ZNF467: variants seen among roughly 807,000 people sequenced by gnomAD.
ZNF467 encodes the protein zinc finger protein EZI.
ZNF467 carries 51 observed loss-of-function variants against 47.8 expected under a neutral mutation model. The ratio of observed to expected loss-of-function variants is 1.07; its 90% CI spans 0.85 to 1.35. The LOEUF (loss-of-function observed/expected upper bound fraction) is 1.35, where lower values mean the gene tolerates loss of function less well. Among genes scored for constraint, ZNF467 ranks in the 40% most tolerant of loss-of-function variants. ZNF467 has a pLI of 0.00. For missense variants in ZNF467, 992 were observed against 858.1 expected (o/e 1.16, Z -1.95); for synonymous variants, 416 against 372.9 (o/e 1.12, Z -1.33).
upstream of ZNF467, chr7:149,776,196 C>T (rs551309797): frequency 9.6e-6 from 9 of 937,666 alleles, no homozygotes; most frequent in South Asian, 1.2e-4. Flanking sequence ...CCGGGATCCT[C>T]CCTCCACCCC....
In ZNF467 at chr7:149,765,668, C is replaced by G; in HGVS notation, c.834G>C (p.Glu278Asp). 6.2e-7 allele frequency: 1 copy of G among 1,612,716 alleles called. No homozygotes were observed. The highest frequency in any genetic ancestry group is 8.5e-7 in the Non-Finnish European group (1 of 1,179,612). ...GERPFPCTEC[E>D]KRFRKKTHLI... is the part of the protein sequence containing the mutation. ...AGTGCGTCTTCTTGCGAAAGCGCTT[C>G]TCGCATTCCGTGCAGGGGAAGGGCC... Residue 278 changes from glutamate to aspartate, a missense_variant, in exon 5 of 5, where the codon GAG (glutamate) becomes GAC (aspartate). Coordinates refer to ENST00000302017, the MANE Select transcript of ZNF467 (RefSeq NM_207336.3).
upstream of ZNF467, chr7:149,776,078 G>T: frequency 1.5e-6 from 2 of 1,365,102 alleles, no homozygotes; most frequent in Non-Finnish European, 2.0e-6. Flanking sequence ...GATGGCGTGG[G>T]CCCTGGCTGA....
At chr7:149,770,383 G>A in intron 3 of ZNF467, 57 bp downstream of exon 3, 1 of 1,224,142 alleles carries the variant, frequency 8.2e-7, no homozygotes, top group Non-Finnish European at 1.2e-6. Context: ...GGTAGGGAGG[G>A]CAGGAGGAAA....
At chr7:149,774,795 C>T (rs1456570991), upstream of ZNF467, among the ~76,000 whole-genome samples, 3 of 152,076 alleles carry the variant, frequency 2.0e-5, no homozygotes, top group Admixed American at 6.5e-5. This position sits in a 1 kb window ranked among gnomAD's most constrained non-coding sequence, Gnocchi z 5.7. Flanking sequence ...CCCAGTCATC[C>T]GTGACCCCCT....
At position 149,766,231 on chromosome 7, in the gene ZNF467, A is replaced by T. The variant is rs1267426406; in HGVS notation, c.271T>A (p.Trp91Arg). The T allele has an allele frequency of 6.6e-7, 1 of 1,515,096 alleles. No homozygotes were observed. The highest frequency in any genetic ancestry group is 8.8e-7 in the Non-Finnish European group (1 of 1,131,270). 93.9% of individuals were successfully genotyped at this position (1,515,096 alleles called of 1,614,324 possible). A position where few individuals can be genotyped will look rare whatever the true frequency, so the allele number is the denominator to read the frequency against. Residue 91 changes from tryptophan (W) to arginine (R), a missense_variant, in exon 5 of 5, where the codon TGG (tryptophan) becomes AGG (arginine). Trp to Arg is a moderately radical substitution (Grantham distance 101). Transcript: ENST00000302017. ...QPVGTCPGEE[W>R]MIRKVKVEDE... ...TCCACCTTCACCTTCCGAATCATCCACTCCTCTCCTGGAAAGTCAAAACAA... is the reference window on the plus strand; with the variant it reads ...TCCACCTTCACCTTCCGAATCATCCTCTCCTCTCCTGGAAAGTCAAAACAA...
upstream of ZNF467, chr7:149,775,993 T>G: frequency 1.0e-5 from 14 of 1,333,790 alleles, no homozygotes; most frequent in Non-Finnish European, 1.4e-5. Context: ...TTGCCTCTCT[T>G]GAGCCCAAGC....
rs1254914893 is a variant in ZNF467 at position 149,764,453 on chromosome 7, T to C, written c.*261A>G. The C allele has an allele frequency of 6.0e-6, 4 of 664,322 alleles. No homozygotes were observed. In the Admixed American group the frequency reaches 7.1e-5, roughly 12 times the overall value. 41.2% of individuals were successfully genotyped at this position (664,322 alleles called of 1,614,324 possible). A position where few individuals can be genotyped will look rare whatever the true frequency, so the allele number is the denominator to read the frequency against. On this transcript the variant is annotated 3_prime_UTR_variant, in exon 5 of 5. Coordinates refer to ENST00000302017, the MANE Select transcript of ZNF467 (RefSeq NM_207336.3). ...GGCCGCGCTGGGTCCGGGAAATATCTGCTTTCCAACGGGGCACCTGGGTGG... is the reference window on the plus strand; with the variant it reads ...GGCCGCGCTGGGTCCGGGAAATATCCGCTTTCCAACGGGGCACCTGGGTGG...
Position 149,765,412 on chromosome 7 carries a change from A to G in ZNF467, c.1090T>C (p.Phe364Leu). The G allele has an allele frequency of 6.4e-7, 1 of 1,574,304 alleles. No homozygotes were observed. ...PFACSDCGLS[F>L]GWKKNLATHQ... ...GTGGCGAGGTTCTTTTTCCAGCCGA[A>G]GCTCAAGCCGCAGTCGGAGCACGCG... Residue 364 changes from phenylalanine to leucine, a missense_variant, in exon 5 of 5, where the codon TTC becomes CTC. Physicochemically the swap from Phe to Leu is conservative, Grantham distance 22. Coordinates refer to ENST00000302017, the MANE Select transcript of ZNF467 (RefSeq NM_207336.3).
rs983354997 is a variant in ZNF467 at position 149,764,630 on chromosome 7, A to G, written c.*84T>C. The G allele has an allele frequency of 6.4e-7, 1 of 1,551,510 alleles. No individual in the cohort carries two copies. The highest frequency in any genetic ancestry group is 8.7e-7 in the Non-Finnish European group (1 of 1,147,690). The stretch of plus-strand genomic sequence containing the variant: ...CGGCCAAACCTTCGGGCAGCAGCCC[A>G]GGTCGCCTTGCTCACCCCAGGCGGT... On this transcript the variant is annotated 3_prime_UTR_variant, in exon 5 of 5. Coordinates refer to ENST00000302017, the MANE Select transcript of ZNF467 (RefSeq NM_207336.3).
chr7:149,770,330 AGAAG>A (rs1353103992), intron 3 of ZNF467, 106 bp downstream of exon 3: 26 of 608,578 alleles, frequency 4.3e-5, no homozygotes, highest in South Asian at 6.4e-5. Flanking sequence ...AAGGAAGGAA[AGAAG>A]GAAGGGAGGG....
At position 149,765,770 on chromosome 7, in the gene ZNF467, G is replaced by T; in HGVS notation, c.732C>A (p.Tyr244Ter). Residue 244 changes from tyrosine (Y) to a stop codon, truncating the protein, a stop_gained, in exon 5 of 5, where the codon TAC becomes TAA. Coordinates refer to ENST00000302017, the MANE Select transcript of ZNF467 (RefSeq NM_207336.3). LOFTEE classifies it high-confidence loss of function. The part of the protein sequence containing the change: ...HLRTHTGERP[Y>*]PCAECGKRFS... The stretch of plus-strand genomic sequence containing the variant: ...AGCGCTTGCCGCACTCCGCGCACGG[G>T]TAGGGCCGCTCGCCCGTGTGCGTGC... 2 of 1,612,476 alleles carry T rather than the reference G, an allele frequency of 1.2e-6. No homozygotes were observed. The highest frequency in any genetic ancestry group is 1.7e-6 in the Non-Finnish European group (2 of 1,179,426).
chr7:149,772,230 T>G, intron 1 of ZNF467, among the ~76,000 whole-genome samples: 1 of 22,852 alleles, frequency 4.4e-5, no homozygotes, highest in African/African-American at 2.2e-4. Context: ...TTTCCAGCCC[T>G]CCCCCACGTC....
At position 149,764,852 on chromosome 7, in the gene ZNF467, C is replaced by T. The variant is rs375619721; in HGVS notation, c.1650G>A (p.Lys550=). The part of the protein sequence containing the change: ...SRPFSCPQCG[K]SFSRKTHLVR... ...CCAGGTGGGTCTTGCGGCTGAAGCT[C>T]TTTCCGCACTGCGGGCAGGAGAAGG... The change falls in exon 5 of 5, where the codon AAG becomes AAA. Residue 550 remains lysine (K), a synonymous_variant. Transcript: ENST00000302017. 1.3e-6 allele frequency: 2 copies of T among 1,551,302 alleles called. No individual in the cohort carries two copies. The highest frequency in any genetic ancestry group is 8.7e-7 in the Non-Finnish European group (1 of 1,149,582).
chr7:149,776,289 G>A (rs552613614), upstream of ZNF467: 1 of 1,317,974 alleles, frequency 7.6e-7, no homozygotes, highest in South Asian at 1.2e-5. Flanking sequence ...TCATAGGACA[G>A]GGCTTTTGGT....
chr7:149,766,015 C>T lies in ZNF467; in HGVS notation c.487G>A (p.Gly163Arg), dbSNP rs1275161713. 3.2e-6 allele frequency: 5 copies of T among 1,573,626 alleles called. No homozygotes were observed. The South Asian group carries it at 3.4e-5, about 11-fold the overall frequency. The change falls in exon 5 of 5, where the codon GGG (glycine) becomes AGG (arginine). Residue 163 changes from glycine to arginine, a missense_variant. Physicochemically the swap from Gly to Arg is moderately radical, Grantham distance 125. Transcript: ENST00000302017. Reference sequence around the variant, plus strand: ...TCCCGGAAGCGCCGCTCACACTCCCCGCAGCCGTAGGGCTTCTCCGGCATC... The same window carrying T: ...TCCCGGAAGCGCCGCTCACACTCCCTGCAGCCGTAGGGCTTCTCCGGCATC... Reference protein sequence around the residue: ...GPMPEKPYGCGECERRFRDQL... With the variant: ...GPMPEKPYGCRECERRFRDQL...
chr7:149,770,510 C>T lies in ZNF467; in HGVS notation c.81G>A (p.Arg27=), dbSNP rs1799367737. The stretch of plus-strand genomic sequence containing the variant: ...GCTCCTGGGCATTATGGGATCCTTC[C>T]CTGGGCTCACTTTGGGGGGCCATCT... The part of the protein sequence containing the change: ...QPEMAPQSEP[R]EGSHNAQEQM... Residue 27 remains arginine (R), a synonymous_variant, in exon 3 of 5, where the codon AGG becomes AGA. Coordinates refer to ENST00000302017, the MANE Select transcript of ZNF467 (RefSeq NM_207336.3). 2.5e-6 allele frequency: 4 copies of T among 1,613,806 alleles called. No individual in the cohort carries two copies. Among genetic ancestry groups the T allele is most frequent in the East Asian group, 2.2e-5 (1 of 44,862 alleles).
rs749592141 is a variant in ZNF467 at position 149,764,600 on chromosome 7, C to T, written c.*114G>A. The T allele has an allele frequency of 1.2e-4, 189 of 1,533,180 alleles. No homozygotes were observed. The highest frequency in any genetic ancestry group is 3.4e-4 in the East Asian group (14 of 40,870). 95.0% of individuals were successfully genotyped at this position (1,533,180 alleles called of 1,614,324 possible). ...CACTGCGGGAAGGAAACAGGTGTCCCGCGGCGGCCAAACCTTCGGGCAGCA... is the reference window on the plus strand; with the variant it reads ...CACTGCGGGAAGGAAACAGGTGTCCTGCGGCGGCCAAACCTTCGGGCAGCA... On this transcript the variant is annotated 3_prime_UTR_variant, in exon 5 of 5. Transcript: ENST00000302017.
At position 149,764,291 on chromosome 7, in the gene ZNF467, T is replaced by TAGATCTC; in HGVS notation, c.*422_*423insGAGATCT. 2.1e-6 allele frequency: 1 copy of TAGATCTC among 478,468 alleles called. No homozygotes were observed. The highest frequency in any genetic ancestry group is 3.7e-6 in the Non-Finnish European group (1 of 272,544). The allele number at this position is 478,468 out of a possible 1,614,324, so 29.6% of individuals were successfully genotyped here. A position where few individuals can be genotyped will look rare whatever the true frequency, so the allele number is the denominator to read the frequency against. On this transcript the variant is annotated 3_prime_UTR_variant, in exon 5 of 5. Transcript: ENST00000302017. ...GAAGTGGAGGGGGGTGGTCTGTGTG[T>TAGATCTC]GGATGGAGGTGGGACAGTGGCTAAG...
intron 1 of ZNF467, among the ~76,000 whole-genome samples, chr7:149,771,443 G>A (rs1171059328): frequency 6.6e-6 from 1 of 152,106 alleles, no homozygotes; most frequent in Non-Finnish European, 1.5e-5. Context: ...TGGGAGCCCA[G>A]GGTGGGGAGT....
Sources: allele counts gnomAD v4.1 joint callset (sites outside exome capture counted in the v4.1 genomes callset), GRCh38; gene constraint gnomAD v4.1.1; non-coding constraint Gnocchi (gnomAD v3.1); transcripts MANE v1.5; gene names NCBI Gene and HGNC (gene_info 2026-07-23, HGNC 2026-07-21).